The following NMNAT1 variants were observed in gnomAD, a reference collection of about 807,000 sequenced individuals.
NMNAT1 encodes the protein nicotinamide/nicotinic acid mononucleotide adenylyltransferase 1.
A neutral mutation model predicts 16.7 loss-of-function variants in NMNAT1; 11 were observed. That is an observed-to-expected ratio of 0.66 (90% CI 0.41 to 1.09). The LOEUF is 1.09. Ranked by LOEUF, NMNAT1 falls within the 50% of genes least tolerant of loss-of-function variation. The pLI is 0.00. For synonymous variants in NMNAT1, 110 were observed against 119.8 expected (o/e 0.92, Z 0.53); for missense variants, 280 against 332.3 (o/e 0.84, Z 1.22).
Position 9,982,632 on chromosome 1 carries a change from G to T in NMNAT1, c.771G>T (p.Glu257Asp). 1 of 1,614,180 alleles carries T rather than the reference G, an allele frequency of 6.2e-7. No homozygotes were observed. Among genetic ancestry groups the T allele is most frequent in the Non-Finnish European group, 8.5e-7 (1 of 1,180,042 alleles). Residue 257 changes from glutamate (E) to aspartate (D), a missense_variant, in exon 5 of 5, where the codon GAG becomes GAT. Coordinates refer to ENST00000377205, the MANE Select transcript of NMNAT1 (RefSeq NM_022787.4). Reference protein sequence around the residue: ...YIEKHNLYSSESEDRNAGVIL... With the variant: ...YIEKHNLYSSDSEDRNAGVIL... Reference sequence around the variant, plus strand: ...AAAAGCATAATTTGTACAGCTCTGAGAGTGAAGACAGGAATGCTGGGGTCA... The same window carrying T: ...AAAAGCATAATTTGTACAGCTCTGATAGTGAAGACAGGAATGCTGGGGTCA...
chr1:9,988,262 G>A (rs1642070884), downstream of NMNAT1, among the ~76,000 whole-genome samples: 1 of 152,080 alleles, frequency 6.6e-6, no homozygotes, highest in East Asian at 1.9e-4. Flanking sequence ...CCCAAAGTGT[G>A]GGGATTACAG....
intron 1 of NMNAT1, among the ~76,000 whole-genome samples, chr1:9,956,731 C>T (rs1160252419): frequency 7.5e-5 from 9 of 119,384 alleles, no homozygotes; most frequent in Non-Finnish European, 1.3e-4. Flanking sequence ...CCTTGTTTAC[C>T]TTTTTTTTTT....
At chr1:9,970,435 C>T (rs958624744) in intron 1 of NMNAT1, among the ~76,000 whole-genome samples, 1 of 152,092 alleles carries the variant, frequency 6.6e-6, no homozygotes, top group Non-Finnish European at 1.5e-5. Context: ...TGGCTCACGC[C>T]TGTAATCCCA....
intron 4 of NMNAT1, 114 bp from the exon 5 acceptor site, chr1:9,982,187 A>G (rs1173713114): frequency 2.9e-6 from 4 of 1,363,358 alleles, no homozygotes; most frequent in East Asian, 2.3e-5. Flanking sequence ...TGAAAAGCAC[A>G]TACGTATCTT....
At chr1:9,996,138 C>T in the NMNAT1 span, among the ~76,000 whole-genome samples, 3 of 151,582 alleles carry the variant, frequency 2.0e-5, no homozygotes, top group Admixed American at 1.3e-4. Context: ...GGTGAAACCC[C>T]GTCTCTAATA....
intron 1 of NMNAT1, among the ~76,000 whole-genome samples, chr1:9,953,384 C>T (rs1260425034): frequency 6.0e-5 from 9 of 150,310 alleles, no homozygotes; most frequent in African/African-American, 2.2e-4. Context: ...TCAAGTGATT[C>T]TCCTGCTCCA....
chr1:9,944,495 T>C (rs1285490555), intron 1 of NMNAT1, among the ~76,000 whole-genome samples: 2 of 152,186 alleles, frequency 1.3e-5, no homozygotes, highest in Admixed American at 1.3e-4. Flanking sequence ...GGTAGAATTG[T>C]TTCATCAGGG....
the NMNAT1 span, among the ~76,000 whole-genome samples, chr1:9,992,503 A>C: frequency 6.6e-6 from 1 of 152,154 alleles, no homozygotes; most frequent in Non-Finnish European, 1.5e-5. Context: ...TAGCAGCAAG[A>C]GTTCCATGTC....
chr1:9,982,244 G>A (rs1641964273), intron 4 of NMNAT1, 57 bp from the exon 5 acceptor site: 5 of 1,528,460 alleles, frequency 3.3e-6, no homozygotes, highest in Non-Finnish European at 4.4e-6. Context: ...CTTTCCACTT[G>A]GAGGAGGTAG....
At chr1:9,972,450 T>C in intron 2 of NMNAT1, 1 of 254,376 alleles carries the variant, frequency 3.9e-6, no homozygotes, top group Non-Finnish European at 7.6e-6. Context: ...GAGCTGAGAT[T>C]GCTGCACTGC....
intron 1 of NMNAT1, among the ~76,000 whole-genome samples, chr1:9,944,273 A>T (rs1640910181): frequency 6.6e-6 from 1 of 151,978 alleles, no homozygotes; most frequent in East Asian, 1.9e-4. Flanking sequence ...AATAAAAAAA[A>T]GTTACCCTTG....
chr1:9,969,964 G>T (rs1641651025), intron 1 of NMNAT1, among the ~76,000 whole-genome samples: 1 of 152,144 alleles, frequency 6.6e-6, no homozygotes, highest in Non-Finnish European at 1.5e-5. Flanking sequence ...CGGACAAAGA[G>T]AAGACCTTAC....
In NMNAT1 at chr1:9,970,517, G is replaced by A. The variant is rs558384941; in HGVS notation, c.-56-1501G>A. ...AGACCATCTAACATGATGAAACCCC[G>A]TCTCTACTAAAAATACAAAAAATTA... On this transcript the variant is annotated intron_variant, in intron 1 of 4. Coordinates refer to ENST00000377205, the MANE Select transcript of NMNAT1 (RefSeq NM_022787.4). Among the ~76,000 whole-genome samples the A allele has an allele frequency of 1.1e-3, 174 of 151,980 alleles. 1 individual carries two copies. Among genetic ancestry groups the A allele is most frequent in the African/African-American group, 4.1e-3 (168 of 41,464 alleles).
chr1:9,973,707 CAAAAAAAAAAA>C (rs1053350657), intron 2 of NMNAT1, among the ~76,000 whole-genome samples: 2 of 21,608 alleles, frequency 9.3e-5, no homozygotes, highest in Non-Finnish European at 1.8e-4. Flanking sequence ...GACTCCATCT[CAAAAAAAAAAA>C]AAAAAAAAAA....
intron 4 of NMNAT1, among the ~76,000 whole-genome samples, chr1:9,981,936 T>C (rs1287892459): frequency 1.3e-5 from 2 of 152,186 alleles, no homozygotes; most frequent in African/African-American, 2.4e-5. Flanking sequence ...CAATCTCGGC[T>C]TACTGCAACC....
chr1:9,972,260 C>T (rs1329816563), intron 2 of NMNAT1, 72 bp downstream of exon 2: 2 of 787,728 alleles, frequency 2.5e-6, no homozygotes, highest in African/African-American at 3.4e-5. Flanking sequence ...CCTGCAATCC[C>T]AGCATTTTGG....
chr1:9,970,522 T>C (rs1641663802), intron 1 of NMNAT1, among the ~76,000 whole-genome samples: 1 of 151,990 alleles, frequency 6.6e-6, no homozygotes, highest in Non-Finnish European at 1.5e-5. Context: ...ACCCCGTCTC[T>C]ACTAAAAATA....
At chr1:9,967,620 A>G (rs1452822790) in intron 1 of NMNAT1, among the ~76,000 whole-genome samples, 1 of 152,146 alleles carries the variant, frequency 6.6e-6, no homozygotes, top group Non-Finnish European at 1.5e-5. Flanking sequence ...AACAGATTGA[A>G]TAGAATAGCA....
chr1:9,984,466 TA>T lies in NMNAT1; in HGVS notation c.*1766del, dbSNP rs1642013478. 6.6e-6 allele frequency: 1 copy of T among 152,154 alleles called. No individual in the cohort carries two copies. The highest frequency in any genetic ancestry group is 1.5e-5 in the Non-Finnish European group (1 of 68,034). The allele number at this position is 152,154 out of a possible 1,614,324, so 9.4% of individuals were successfully genotyped here. On this transcript the variant is annotated 3_prime_UTR_variant, in exon 5 of 5. Coordinates refer to ENST00000377205, the MANE Select transcript of NMNAT1 (RefSeq NM_022787.4). ...GGATGCTGTTGATGCTGCCACGTAA[TA>T]GCATAATTTTGGGTGTCCTCAAGGA...
Sources: allele counts gnomAD v4.1 joint callset (sites outside exome capture counted in the v4.1 genomes callset), GRCh38; gene constraint gnomAD v4.1.1; transcripts MANE v1.5; gene names NCBI Gene and HGNC (gene_info 2026-07-23, HGNC 2026-07-21).